The following SLC39A11 variants were observed in gnomAD, a reference collection of about 807,000 sequenced individuals.
The protein encoded by SLC39A11 is solute carrier family 39 member 11.
In SLC39A11, 33 loss-of-function variants were observed where a neutral mutation model predicts 36.1. The observed-to-expected ratio is 0.91, with a 90% confidence interval of 0.69 to 1.22. The LOEUF (loss-of-function observed/expected upper bound fraction) is 1.22, where lower values mean the gene tolerates loss of function less well. SLC39A11 is among the 50% of genes most tolerant of loss of function. The pLI, the probability that SLC39A11 is intolerant of heterozygous loss-of-function variation, is 0.00. For missense variants in SLC39A11, 432 were observed against 430.3 expected (o/e 1.00, Z -0.03); for synonymous variants, 166 against 170.3 (o/e 0.97, Z 0.20).
intron 7 of SLC39A11, among the ~76,000 whole-genome samples, chr17:72,701,554 C>A (rs1259439551): frequency 6.6e-6 from 1 of 151,660 alleles, no homozygotes; most frequent in African/African-American, 2.4e-5. Context: ...ATGGTGAAAC[C>A]CTGTCTCTAC....
At chr17:73,077,169 G>A (rs972160731) in intron 3 of SLC39A11, among the ~76,000 whole-genome samples, 4 of 152,106 alleles carry the variant, frequency 2.6e-5, no homozygotes, top group African/African-American at 7.2e-5. Context: ...CCTAGTTCAG[G>A]GAAACATGTA....
chr17:73,011,224 C>T (rs928736134), intron 4 of SLC39A11, among the ~76,000 whole-genome samples: 3 of 152,212 alleles, frequency 2.0e-5, no homozygotes, highest in African/African-American at 7.2e-5. Flanking sequence ...GGAAGAGAGT[C>T]TGGCAAAACA....
At chr17:72,916,900 C>T (rs1272307559) in intron 5 of SLC39A11, among the ~76,000 whole-genome samples, 1 of 152,206 alleles carries the variant, frequency 6.6e-6, no homozygotes, top group Non-Finnish European at 1.5e-5. Flanking sequence ...CCCACACGTT[C>T]CACACACATA....
At chr17:72,687,652 G>T (rs1567946929) in intron 7 of SLC39A11, among the ~76,000 whole-genome samples, 3 of 152,178 alleles carry the variant, frequency 2.0e-5, no homozygotes, top group Non-Finnish European at 4.4e-5. Context: ...AAAATACAGA[G>T]ATCCTAAGAT....
intron 4 of SLC39A11, among the ~76,000 whole-genome samples, chr17:72,963,532 GA>G (rs1356249720): frequency 1.3e-5 from 2 of 152,004 alleles, no homozygotes; most frequent in African/African-American, 4.8e-5. Flanking sequence ...TATCTGTTTA[GA>G]AAAAACTCTC....
chr17:72,917,694 T>C (rs1164960721), intron 5 of SLC39A11, among the ~76,000 whole-genome samples: 2 of 152,206 alleles, frequency 1.3e-5, no homozygotes, highest in East Asian at 3.8e-4. Flanking sequence ...CTGCTCTTTA[T>C]TGGGCTGTGT....
chr17:72,714,083 C>T (rs34676874), intron 7 of SLC39A11, among the ~76,000 whole-genome samples: 20,256 of 152,160 alleles, frequency 0.13, 1,394 homozygotes, highest in Middle Eastern at 0.18. Context: ...AGGCCGGGCG[C>T]GGTGGCTAAA....
chr17:73,026,226 G>GAAGAGAAGAGAAGAGAAGAC lies in SLC39A11; in HGVS notation c.306+5329_306+5330insGTCTTCTCTTCTCTTCTCTT, dbSNP rs1357554252. ...GAAGAGAAGAGAAGAGAAGAGAAGA[G>GAAGAGAAGAGAAGAGAAGAC]AAGAGAAAAGGGAAAAGCCGGCTGT... On this transcript the variant is annotated intron_variant, in intron 4 of 9. Coordinates refer to ENST00000255559, the MANE Select transcript of SLC39A11 (RefSeq NM_139177.4). Among the ~76,000 whole-genome samples the GAAGAGAAGAGAAGAGAAGAC allele has an allele frequency of 9.9e-5, 15 of 151,430 alleles. 1 individual carries two copies. Among genetic ancestry groups the GAAGAGAAGAGAAGAGAAGAC allele is most frequent in the Admixed American group, 5.3e-4 (8 of 15,170 alleles).
At chr17:72,688,812 A>C (rs2071876658) in intron 7 of SLC39A11, among the ~76,000 whole-genome samples, 1 of 152,182 alleles carries the variant, frequency 6.6e-6, no homozygotes, top group Non-Finnish European at 1.5e-5. Context: ...GTCCAAGAAG[A>C]GGTGAGAAAG....
At chr17:72,723,039 G>T (rs1212905733) in intron 7 of SLC39A11, among the ~76,000 whole-genome samples, 1 of 152,168 alleles carries the variant, frequency 6.6e-6, no homozygotes, top group East Asian at 1.9e-4. Flanking sequence ...TATAAAGGGT[G>T]GCCGTCGTTT....
intron 6 of SLC39A11, among the ~76,000 whole-genome samples, chr17:72,760,200 T>C (rs367697119): frequency 3.3e-4 from 51 of 152,326 alleles, no homozygotes; most frequent in Non-Finnish European, 6.0e-4. Flanking sequence ...CTAATTTTTG[T>C]ATTTTTTACT....
intron 6 of SLC39A11, among the ~76,000 whole-genome samples, chr17:72,776,483 T>C (rs568141093): frequency 8.5e-5 from 13 of 152,144 alleles, no homozygotes; most frequent in Non-Finnish European, 1.9e-4. Context: ...GAAATCTGTA[T>C]CAAAATGTTG....
chr17:73,004,798 C>T (rs983345697), intron 4 of SLC39A11, among the ~76,000 whole-genome samples: 1 of 152,144 alleles, frequency 6.6e-6, no homozygotes, highest in Non-Finnish European at 1.5e-5. Flanking sequence ...TCCTAGGGCA[C>T]GATGTTATGG....
At chr17:72,859,136 AAAG>A (rs2079817968) in intron 5 of SLC39A11, among the ~76,000 whole-genome samples, 1 of 152,194 alleles carries the variant, frequency 6.6e-6, no homozygotes, top group Admixed American at 6.5e-5. Context: ...ACTCTTTTCA[AAAG>A]AAGAGGATGT....
At position 72,906,366 on chromosome 17, in the gene SLC39A11, C is replaced by T. The variant is rs538852609; in HGVS notation, c.430+41386G>A. On this transcript the variant is annotated intron_variant, in intron 5 of 9. Transcript: ENST00000255559. Reference sequence around the variant, plus strand: ...TCAGGATTGAGAGACGTGGGCACCACGGGTGAGAAGGACACCTGTGCCTTT... The same window carrying T: ...TCAGGATTGAGAGACGTGGGCACCATGGGTGAGAAGGACACCTGTGCCTTT... Among the ~76,000 whole-genome samples the T allele has an allele frequency of 7.9e-5, 12 of 152,388 alleles. No individual in the cohort carries two copies. In the East Asian group the frequency reaches 1.5e-3, roughly 20 times the overall value.
chr17:73,056,997 T>C (rs1441469297), intron 3 of SLC39A11, among the ~76,000 whole-genome samples: 1 of 152,198 alleles, frequency 6.6e-6, no homozygotes, highest in African/African-American at 2.4e-5. Flanking sequence ...TCTTGCTCTG[T>C]CACCAAGGCT....
At chr17:72,876,394 T>C (rs1386442581) in intron 5 of SLC39A11, among the ~76,000 whole-genome samples, 1 of 152,216 alleles carries the variant, frequency 6.6e-6, no homozygotes, top group Non-Finnish European at 1.5e-5. Flanking sequence ...CTCTGCTTGT[T>C]AGAACATAGT....
chr17:72,687,016 T>C (rs1234762682), intron 7 of SLC39A11, among the ~76,000 whole-genome samples: 1 of 152,188 alleles, frequency 6.6e-6, no homozygotes, highest in African/African-American at 2.4e-5. Flanking sequence ...AGTCCTTTTT[T>C]TTAAGTGTTT....
At chr17:72,858,990 T>C (rs764562526) in intron 5 of SLC39A11, among the ~76,000 whole-genome samples, 31 of 152,240 alleles carry the variant, frequency 2.0e-4, no homozygotes, top group Admixed American at 1.0e-3. Flanking sequence ...CCTGTATTTC[T>C]TTCTCTTGAC....
Sources: gnomAD v4.1 joint callset for allele counts (sites outside exome capture counted in the v4.1 genomes callset) on GRCh38, gnomAD v4.1.1 for gene constraint, MANE v1.5 for transcripts, NCBI Gene and HGNC (gene_info 2026-07-23, HGNC 2026-07-21) for gene names.